Variants in VPS50 observed in about 807,000 individuals in gnomAD.
VPS50 encodes syndetin.
In VPS50, 70 loss-of-function variants were observed where a neutral mutation model predicts 139.7. The ratio of observed to expected loss-of-function variants is 0.50; its 90% CI spans 0.41 to 0.61. The LOEUF is 0.61. Among genes scored for constraint, VPS50 ranks in the 20% least tolerant of loss-of-function variants. The probability of loss-of-function intolerance (pLI) is 0.00; values close to 1 mark genes in which losing one functional copy is unlikely to be tolerated. For synonymous variants in VPS50, 365 were observed against 376.7 expected, an observed-to-expected ratio of 0.97 and a Z score of 0.36; for missense variants, 921 against 1,133.7, an observed-to-expected ratio of 0.81 and a Z score of 2.69.
chr7:93,253,734 G>A, intron 3 of VPS50, 126 bp from the exon 4 acceptor site: 1 of 550,736 alleles, frequency 1.8e-6, no homozygotes, highest in Non-Finnish European at 3.3e-6. Flanking sequence ...GTGGCATGGA[G>A]GGCAGTGGGA....
At chr7:93,237,111 C>T (rs1237707362) in intron 1 of VPS50, among the ~76,000 whole-genome samples, 1 of 151,000 alleles carries the variant, frequency 6.6e-6, no homozygotes, top group Non-Finnish European at 1.5e-5. Context: ...CCACCACGCC[C>T]GGCTAATTTT....
Position 93,252,191 on chromosome 7 carries a change from A to AT in VPS50, c.103-455dup, listed in dbSNP as rs149627226. On this transcript the variant is annotated intron_variant, in intron 2 of 27. Coordinates refer to ENST00000305866, the MANE Select transcript of VPS50 (RefSeq NM_017667.4). ...CACTGTTTCTTAGCTGAGTACTGAG[A>AT]TTTTTTTAGCAGGGTTGATGTCTTC... is the stretch of plus-strand genomic sequence containing the variant. 4.3e-3 allele frequency among the ~76,000 whole-genome samples: 648 copies of AT among 152,192 alleles called. 3 individuals are homozygous for AT. Among genetic ancestry groups the AT allele is most frequent in the African/African-American group, 0.015 (612 of 41,538 alleles).
chr7:93,328,117 C>G (rs1030303084), intron 21 of VPS50, among the ~76,000 whole-genome samples: 1 of 152,136 alleles, frequency 6.6e-6, no homozygotes, highest in Non-Finnish European at 1.5e-5. Context: ...TATATCTGAT[C>G]CATTGGATTC....
intron 13 of VPS50, among the ~76,000 whole-genome samples, chr7:93,292,611 C>A (rs1470378327): frequency 1.3e-5 from 2 of 151,782 alleles, no homozygotes; most frequent in African/African-American, 4.8e-5. Flanking sequence ...TGTAGCTATT[C>A]AATCAAGTTA....
chr7:93,357,247 G>A (rs777601450), intron 27 of VPS50, among the ~76,000 whole-genome samples: 4 of 152,154 alleles, frequency 2.6e-5, no homozygotes, highest in East Asian at 1.9e-4. Flanking sequence ...AGCTCTATTC[G>A]ATGCAAGAAT....
chr7:93,348,793 C>G lies in VPS50; in HGVS notation c.2290C>G (p.Gln764Glu). ...MPAVKKPFLQ[Q>E]FYSQTVSTAS... The stretch of plus-strand genomic sequence containing the variant: ...TGCAGTCAAAAAGCCCTTTCTTCAG[C>G]AGTTCTATTCTCAGGTCAGACATGG... The change falls in exon 24 of 28, where the codon CAG becomes GAG. Residue 764 changes from glutamine (Q) to glutamate (E), a missense_variant. This residue lies in a region of VPS50 where 744 missense variants were observed against 930.6 expected (regional missense o/e 0.80). Transcript: ENST00000305866. 1 of 1,608,368 alleles carries G rather than the reference C, an allele frequency of 6.2e-7. No homozygotes were observed. Among genetic ancestry groups the G allele is most frequent in the Non-Finnish European group, 8.5e-7 (1 of 1,174,906 alleles).
chr7:93,265,149 T>G (rs750738429), intron 9 of VPS50, among the ~76,000 whole-genome samples: 1 of 151,906 alleles, frequency 6.6e-6, no homozygotes, highest in African/African-American at 2.4e-5. Flanking sequence ...TTTTTAAAAA[T>G]AATTAAAAAA....
intron 16 of VPS50, among the ~76,000 whole-genome samples, chr7:93,300,038 A>G (rs1171684395): frequency 6.6e-6 from 1 of 152,116 alleles, no homozygotes; most frequent in African/African-American, 2.4e-5. Flanking sequence ...CTGGTGTTAG[A>G]AGAGAGAAGT....
In VPS50 at chr7:93,359,565, G is replaced by A. The variant is rs1281900055; in HGVS notation, c.*1129G>A. 1.3e-5 allele frequency: 2 copies of A among 152,088 alleles called. No homozygotes were observed. Among genetic ancestry groups the A allele is most frequent in the African/African-American group, 4.8e-5 (2 of 41,414 alleles). 9.4% of individuals were successfully genotyped at this position (152,088 alleles called of 1,614,324 possible). A position where few individuals can be genotyped will look rare whatever the true frequency, so the allele number is the denominator to read the frequency against. ...AACTGTCTGATAAGGAATTTTGTGT[G>A]TGTTCTTTCTGACTGGAGAGTGGAG... is the stretch of plus-strand genomic sequence containing the variant. On this transcript the variant is annotated 3_prime_UTR_variant, in exon 28 of 28. Transcript: ENST00000305866.
intron 4 of VPS50, among the ~76,000 whole-genome samples, chr7:93,255,525 C>G (rs1189724568): frequency 6.6e-6 from 1 of 152,156 alleles, no homozygotes; most frequent in Admixed American, 6.6e-5. Context: ...CGGACCAGTA[C>G]TCTCTATTAG....
Position 93,259,601 on chromosome 7 carries a change from G to A in VPS50, c.628G>A (p.Ala210Thr). 6.2e-7 allele frequency: 1 copy of A among 1,601,458 alleles called. No individual in the cohort carries two copies. Among genetic ancestry groups the A allele is most frequent in the Non-Finnish European group, 8.6e-7 (1 of 1,168,966 alleles). The change falls in exon 9 of 28, where the codon GCC (alanine) becomes ACC (threonine). Residue 210 changes from alanine (A) to threonine (T), a missense_variant. Around this residue, in one of 3 missense-constraint regions of VPS50, gnomAD observed 744 missense variants for 930.6 expected, o/e 0.80. Transcript: ENST00000305866. ...GTTGTGCCTTGAATGTCAAAAAGCT[G>A]CCAGCACTTTTAAACATTACAGTTG... ...IQLCLECQKAASTFKHYSCIS... is the reference protein window; with the variant it reads ...IQLCLECQKATSTFKHYSCIS...
At chr7:93,344,009 G>C (rs367907054) in intron 23 of VPS50, among the ~76,000 whole-genome samples, 8 of 152,108 alleles carry the variant, frequency 5.3e-5, no homozygotes, top group Admixed American at 5.2e-4. Flanking sequence ...TGGACTAAAT[G>C]CTCCAATTAA....
chr7:93,246,082 C>CT (rs528257441), intron 2 of VPS50: 31,028 of 1,093,600 alleles, frequency 0.028, 2 homozygotes, highest in South Asian at 0.035. Context: ...CTAAACGCTT[C>CT]TTTTTTTTTT....
chr7:93,240,010 C>G (rs190601868), intron 2 of VPS50, 76 bp downstream of exon 2: 230 of 875,434 alleles, frequency 2.6e-4, no homozygotes, highest in Admixed American at 1.2e-3. Flanking sequence ...GTAATTGATT[C>G]ACAGAAGCTT....
chr7:93,345,021 A>G (rs1798347597), intron 23 of VPS50, among the ~76,000 whole-genome samples: 1 of 152,228 alleles, frequency 6.6e-6, no homozygotes, highest in African/African-American at 2.4e-5. Flanking sequence ...AACCCTTCAC[A>G]AAATTAACGA....
At chr7:93,255,070 C>T (rs1257336776) in intron 4 of VPS50, among the ~76,000 whole-genome samples, 1 of 151,828 alleles carries the variant, frequency 6.6e-6, no homozygotes, top group Non-Finnish European at 1.5e-5. Flanking sequence ...TTGTGGAAGA[C>T]AATTTTTCTA....
chr7:93,326,965 T>C (rs551609271), intron 21 of VPS50, among the ~76,000 whole-genome samples: 6 of 152,270 alleles, frequency 3.9e-5, no homozygotes, highest in South Asian at 2.1e-4. Context: ...AGTGACAAAA[T>C]GTTGCTACAG....
At chr7:93,351,964 G>A (rs1798574177) in intron 25 of VPS50, among the ~76,000 whole-genome samples, 2 of 152,100 alleles carry the variant, frequency 1.3e-5, no homozygotes, top group Non-Finnish European at 2.9e-5. Context: ...AAGCATAAAG[G>A]TTAATTATCT....
At position 93,291,772 on chromosome 7, in the gene VPS50, A is replaced by G; in HGVS notation, c.1012A>G (p.Ser338Gly). ...LCKALWEVML[S>G]YYRTMEWHEK... ...CAAAGCACTATGGGAAGTTATGCTC[A>G]GCTATTATAGGACTATGGAATGGCA... The change falls in exon 13 of 28, where the codon AGC (serine) becomes GGC (glycine). Residue 338 changes from serine to glycine, a missense_variant. Ser to Gly is a moderately conservative substitution (Grantham distance 56, BLOSUM62 0). Coordinates refer to ENST00000305866, the MANE Select transcript of VPS50 (RefSeq NM_017667.4). The G allele has an allele frequency of 6.2e-7, 1 of 1,602,848 alleles. No homozygotes were observed. The highest frequency in any genetic ancestry group is 8.5e-7 in the Non-Finnish European group (1 of 1,171,040).
Sources: allele counts gnomAD v4.1 joint callset (sites outside exome capture counted in the v4.1 genomes callset), GRCh38; gene constraint gnomAD v4.1.1; regional missense constraint gnomAD v4.1.1; transcripts MANE v1.5; gene names NCBI Gene and HGNC (gene_info 2026-07-23, HGNC 2026-07-21).